Variants in KLHL5 observed in about 807,000 individuals in gnomAD.
The protein encoded by KLHL5 is kelch-like protein 5.
KLHL5 carries 48 observed loss-of-function variants against 77.7 expected under a neutral mutation model. That is an observed-to-expected ratio of 0.62 (90% CI 0.49 to 0.79). The LOEUF is 0.79. KLHL5 is among the 30% of genes least tolerant of loss of function. The probability of loss-of-function intolerance (pLI) is 0.00; values close to 1 mark genes in which losing one functional copy is unlikely to be tolerated. For synonymous variants in KLHL5, 260 were observed against 297.0 expected (o/e 0.88, Z 1.28); for missense variants, 723 against 859.7 (o/e 0.84, Z 1.99).
At chr4:39,060,036 C>A (rs12506241), upstream of KLHL5, among the ~76,000 whole-genome samples, 22,639 of 152,152 alleles carry the variant, frequency 0.15, 2,267 homozygotes, top group Admixed American at 0.21. Context: ...AACCTGAAAT[C>A]AACCTGAATG....
intron 7 of KLHL5, 32 bp from the exon 8 acceptor site, chr4:39,107,537 G>A: frequency 6.5e-7 from 1 of 1,537,778 alleles, no homozygotes; most frequent in East Asian, 2.3e-5. Flanking sequence ...CAGCCAATCT[G>A]AAGTCGTTAA....
At chr4:39,106,618 A>AG (rs1216124966) in intron 7 of KLHL5, among the ~76,000 whole-genome samples, 1 of 152,194 alleles carries the variant, frequency 6.6e-6, no homozygotes, top group Non-Finnish European at 1.5e-5. Flanking sequence ...TTGAATTAAC[A>AG]GGGGGGAAGG....
At chr4:39,105,737 TACAC>T (rs10536180) in intron 7 of KLHL5, among the ~76,000 whole-genome samples, 65,704 of 146,362 alleles carry the variant, frequency 0.45, 15,524 homozygotes, top group Non-Finnish European at 0.53. Context: ...TATATATGTA[TACAC>T]ACACACACAC....
intron 6 of KLHL5, among the ~76,000 whole-genome samples, chr4:39,101,615 A>G (rs1219146941): frequency 2.0e-5 from 3 of 152,114 alleles, no homozygotes; most frequent in African/African-American, 7.2e-5. Context: ...TGGGAGGCCA[A>G]GGCGGGAGGA....
At chr4:39,141,471 G>A in the KLHL5 span, among the ~76,000 whole-genome samples, 1 of 151,870 alleles carries the variant, frequency 6.6e-6, no homozygotes, top group Non-Finnish European at 1.5e-5. Context: ...ACCACGCCAG[G>A]CTAATAATTT....
At position 39,045,116 on chromosome 4, in the gene KLHL5, C is replaced by T. The variant is rs994219016; in HGVS notation, c.-95+20C>T. The T allele has an allele frequency of 4.1e-6, 4 of 984,704 alleles. No homozygotes were observed. In the African/African-American group the frequency reaches 5.3e-5, roughly 13 times the overall value. 61.0% of individuals were successfully genotyped at this position (984,704 alleles called of 1,614,324 possible). A position where few individuals can be genotyped will look rare whatever the true frequency, so the allele number is the denominator to read the frequency against. ...GACGCGGTAAGTGCGACTTCCTTCT[C>T]GGCATCGGGGAGGGGGCCGCCTCGG... is the stretch of plus-strand genomic sequence containing the variant. On this transcript the variant is annotated intron_variant, in intron 1 of 11. Coordinates refer to the KLHL5 transcript ENST00000261425.
chr4:39,115,196 T>A lies in KLHL5; in HGVS notation c.1939T>A (p.Ser647Thr). The change falls in exon 10 of 11, where the codon TCC becomes ACC. Residue 647 changes from serine (S) to threonine (T), a missense_variant. Transcript: ENST00000504108. The part of the protein sequence containing the change: ...PKTDMWTAVA[S>T]MSISRDAVGV... ...AACAGACATGTGGACTGCAGTAGCA[T>A]CCATGAGCATCAGCAGAGATGCAGT... The A allele has an allele frequency of 6.2e-7, 1 of 1,613,576 alleles. No individual in the cohort carries two copies. The highest frequency in any genetic ancestry group is 8.5e-7 in the Non-Finnish European group (1 of 1,179,824).
chr4:39,123,325 C>CA lies in KLHL5; in HGVS notation c.*2265dup, dbSNP rs1723334447. 6.6e-6 allele frequency among the ~76,000 whole-genome samples: 1 copy of CA among 152,216 alleles called. No individual in the cohort carries two copies. The highest frequency in any genetic ancestry group is 2.4e-5 in the African/African-American group (1 of 41,530). On this transcript the variant is annotated 3_prime_UTR_variant, in exon 11 of 11. Coordinates refer to ENST00000504108, the MANE Select transcript of KLHL5 (RefSeq NM_015990.5). ...AACACTAATCCTTCTCGAACTCTCC[C>CA]AAAAAATGGAAGAGAAAGGAGCACC...
upstream of KLHL5, among the ~76,000 whole-genome samples, chr4:39,060,261 T>C (rs1577639287): frequency 6.6e-6 from 1 of 152,256 alleles, no homozygotes; most frequent in East Asian, 1.9e-4. Flanking sequence ...TTTATAAACA[T>C]GGAGAGAGGT....
chr4:39,062,711 G>A lies in KLHL5; in HGVS notation c.59G>A (p.Trp20Ter). The A allele has an allele frequency of 1.2e-6, 2 of 1,614,102 alleles. No homozygotes were observed. The highest frequency in any genetic ancestry group is 1.7e-6 in the Non-Finnish European group (2 of 1,179,996). Residue 20 changes from tryptophan (W) to a stop codon, truncating the protein, a stop_gained, in exon 1 of 11, where the codon TGG becomes TAG. Coordinates refer to ENST00000504108, the MANE Select transcript of KLHL5 (RefSeq NM_015990.5). LOFTEE classifies it high-confidence loss of function. ...CAGATTTTGAAAATCAGATGGAGGTGGTTTGGTCATCAAGCATCATCTCCT... is the reference window on the plus strand; with the variant it reads ...CAGATTTTGAAAATCAGATGGAGGTAGTTTGGTCATCAAGCATCATCTCCT... ...VKQILKIRWR[W>*]FGHQASSPNS...
In KLHL5 at chr4:39,122,796, G is replaced by C. The variant is rs1321618618; in HGVS notation, c.*1730G>C. On this transcript the variant is annotated 3_prime_UTR_variant, in exon 11 of 11. Transcript: ENST00000504108. ...CCACTGCACTCCAGCCTGGGTGACA[G>C]AGCGAGACTCCATCAAAAAAAAATA... Among the ~76,000 whole-genome samples, 3 of 151,664 alleles carry C rather than the reference G, an allele frequency of 2.0e-5. No individual in the cohort carries two copies. Among genetic ancestry groups the C allele is most frequent in the African/African-American group, 4.9e-5 (2 of 41,234 alleles).
chr4:39,089,616 A>G (rs1720336352), intron 5 of KLHL5, among the ~76,000 whole-genome samples: 1 of 152,348 alleles, frequency 6.6e-6, no homozygotes, highest in African/African-American at 2.4e-5. Flanking sequence ...CACTTGAAAA[A>G]GGACGAAGTT....
intron 1 of KLHL5, among the ~76,000 whole-genome samples, chr4:39,048,089 A>C (rs1235213376): frequency 6.6e-6 from 1 of 152,258 alleles, no homozygotes; most frequent in Non-Finnish European, 1.5e-5. Context: ...GAAATAATGT[A>C]TCAAGAATCC....
chr4:39,077,725 C>CCAA (rs1560418091), intron 2 of KLHL5, among the ~76,000 whole-genome samples: 3 of 143,868 alleles, frequency 2.1e-5, no homozygotes, highest in African/African-American at 8.0e-5. Context: ...AACAAACAAA[C>CCAA]AAAAAAACTA....
intron 9 of KLHL5, among the ~76,000 whole-genome samples, chr4:39,113,626 C>A (rs948873662): frequency 6.6e-6 from 1 of 152,268 alleles, no homozygotes; most frequent in South Asian, 2.1e-4. Flanking sequence ...ACTGGCCTCA[C>A]AAAACTCAAG....
intron 1 of KLHL5, among the ~76,000 whole-genome samples, chr4:39,068,437 CTGTGTGTGTGTGTG>C (rs71192818): frequency 6.8e-6 from 1 of 147,860 alleles, no homozygotes; most frequent in African/African-American, 2.5e-5. Flanking sequence ...CCAGAAAACA[CTGTGTGTGTGTGTG>C]TGTGTGTGTG....
At chr4:39,057,107 T>C (rs546358210) in intron 1 of KLHL5, among the ~76,000 whole-genome samples, 18 of 152,360 alleles carry the variant, frequency 1.2e-4, no homozygotes, top group Non-Finnish European at 2.2e-4. Context: ...ACTTACCTCT[T>C]CTTAATTCAG....
In KLHL5 at chr4:39,048,638, C is replaced by CTTTTTTTTTTTTTTTTTTTT. The variant is rs34713116; in HGVS notation, c.-95+3544_-95+3563dup. Among the ~76,000 whole-genome samples the CTTTTTTTTTTTTTTTTTTTT allele has an allele frequency of 3.2e-4, 25 of 79,140 alleles. 1 individual carries two copies. The highest frequency in any genetic ancestry group is 1.3e-3 in the African/African-American group (24 of 18,590). The allele number at this position is 79,140 out of a possible 152,430, so 51.9% of individuals were successfully genotyped here. On this transcript the variant is annotated intron_variant, in intron 1 of 11. Coordinates refer to the KLHL5 transcript ENST00000261425. ...AAAGGATGTGGTGATTTTACATTGG[C>CTTTTTTTTTTTTTTTTTTTT]TTTTTTTTTTTTTTTTTTTTTGGAG... is the stretch of plus-strand genomic sequence containing the variant.
rs1342193440 is a variant in KLHL5 at position 39,122,560 on chromosome 4, C to T, written c.*1494C>T. Among the ~76,000 whole-genome samples, 3 of 152,144 alleles carry T rather than the reference C, an allele frequency of 2.0e-5. No homozygotes were observed. The highest frequency in any genetic ancestry group is 1.9e-4 in the East Asian group (1 of 5,198). ...TGGCTCACGCCTATAATTCCCAGCA[C>T]TTTGGGAGGCTGAGGTGGGCGGATC... On this transcript the variant is annotated 3_prime_UTR_variant, in exon 11 of 11. Transcript: ENST00000504108.
Sources: gnomAD v4.1 joint callset for allele counts (sites outside exome capture counted in the v4.1 genomes callset) on GRCh38, gnomAD v4.1.1 for gene constraint, MANE v1.5 for transcripts, NCBI Gene and HGNC (gene_info 2026-07-23, HGNC 2026-07-21) for gene names.